Variants in AASDH observed in about 807,000 individuals in gnomAD.
AASDH encodes beta-alanine-activating enzyme.
A neutral mutation model predicts 102.3 loss-of-function variants in AASDH; 81 were observed. That is an observed-to-expected ratio of 0.79 (90% confidence interval 0.66 to 0.95). The LOEUF is 0.95. Ranked by LOEUF, AASDH falls within the 40% of genes least tolerant of loss-of-function variation. AASDH has a pLI of 0.00. For missense variants in AASDH, 1,203 were observed against 1,266.2 expected, an observed-to-expected ratio of 0.95 and a Z score of 0.76; for synonymous variants, 398 against 454.0, an observed-to-expected ratio of 0.88 and a Z score of 1.57.
intron 5 of AASDH, among the ~76,000 whole-genome samples, chr4:56,355,740 T>C (rs1184085578): frequency 1.3e-5 from 2 of 151,694 alleles, no homozygotes; most frequent in Non-Finnish European, 2.9e-5. Flanking sequence ...CACCTCAGCC[T>C]CCTGAACAGC....
chr4:56,339,084 T>G (rs928368638), intron 14 of AASDH, among the ~76,000 whole-genome samples: 1 of 152,206 alleles, frequency 6.6e-6, no homozygotes, highest in Non-Finnish European at 1.5e-5. Flanking sequence ...TTAGTATTAT[T>G]CAGAGACACT....
chr4:56,348,752 A>G (rs1488658549), intron 11 of AASDH, among the ~76,000 whole-genome samples: 2 of 152,218 alleles, frequency 1.3e-5, no homozygotes, highest in African/African-American at 4.8e-5. Flanking sequence ...GCTTCCTGCC[A>G]GAATCAGCAA....
At chr4:56,356,066 C>A in intron 5 of AASDH, 1 of 545,598 alleles carries the variant, frequency 1.8e-6, no homozygotes, top group Non-Finnish European at 3.2e-6. Context: ...TCCTTTCTTA[C>A]TCTGTATAAA....
At chr4:56,338,822 C>G (rs1438447603) in intron 14 of AASDH, 31 bp from the exon 15 acceptor site, 2 of 1,581,954 alleles carry the variant, frequency 1.3e-6, no homozygotes, top group Non-Finnish European at 1.7e-6. Flanking sequence ...AAATATAATT[C>G]ATTCATCTAA....
At chr4:56,339,972 C>G (rs1268927147) in intron 14 of AASDH, among the ~76,000 whole-genome samples, 1 of 151,950 alleles carries the variant, frequency 6.6e-6, no homozygotes, top group African/African-American at 2.4e-5. Context: ...AGTTCGAGAC[C>G]AGCCTGGCCA....
At chr4:56,342,812 T>C (rs745845167) in intron 14 of AASDH, 23 bp downstream of exon 14, 1 of 1,163,256 alleles carries the variant, frequency 8.6e-7, no homozygotes, top group South Asian at 3.1e-5. Flanking sequence ...AATGTATATA[T>C]AAAAAATTTC....
At chr4:56,370,012 C>T (rs1021170522) in intron 5 of AASDH, among the ~76,000 whole-genome samples, 3 of 151,224 alleles carry the variant, frequency 2.0e-5, no homozygotes, top group African/African-American at 4.9e-5. Flanking sequence ...CACAGGTATA[C>T]GAATATAACA....
intron 4 of AASDH, among the ~76,000 whole-genome samples, chr4:56,376,359 C>G (rs1302663582): frequency 1.3e-5 from 2 of 152,152 alleles, no homozygotes; most frequent in Non-Finnish European, 2.9e-5. Flanking sequence ...ACACCTGTGT[C>G]CATCCCAGAA....
chr4:56,373,229 T>G (rs972564033), intron 4 of AASDH, among the ~76,000 whole-genome samples: 14 of 152,252 alleles, frequency 9.2e-5, no homozygotes, highest in African/African-American at 3.4e-4. Context: ...AACCTCTGCC[T>G]CCCAAGTTCG....
chr4:56,343,540 A>G (rs1747956497), intron 13 of AASDH, 22 bp downstream of exon 13: 2 of 1,543,812 alleles, frequency 1.3e-6, no homozygotes, highest in African/African-American at 1.4e-5. Context: ...AATAAAATCA[A>G]TATGTATTAT....
At chr4:56,372,499 GTTAGGCTC>G (rs1172837736) in intron 4 of AASDH, among the ~76,000 whole-genome samples, 5 of 152,232 alleles carry the variant, frequency 3.3e-5, no homozygotes, top group East Asian at 1.9e-4. Flanking sequence ...AATATATGTG[GTTAGGCTC>G]TTATACAGCA....
In AASDH at chr4:56,387,405, C is replaced by A. The variant is rs569114863; in HGVS notation, c.-86G>T. On this transcript the variant is annotated 5_prime_UTR_variant, in exon 1 of 15. Transcript: ENST00000205214. Reference sequence around the variant, plus strand: ...TAGGTTTGATCGCATTCGGCCCTTTCCCGGATAGCTCGTCGCGGATACTTC... The same window carrying A: ...TAGGTTTGATCGCATTCGGCCCTTTACCGGATAGCTCGTCGCGGATACTTC... The A allele has an allele frequency of 6.6e-6, 1 of 152,316 alleles. No homozygotes were observed. 9.4% of individuals were successfully genotyped at this position (152,316 alleles called of 1,614,324 possible).
intron 7 of AASDH, 79 bp from the exon 8 acceptor site, chr4:56,354,290 GT>G: frequency 7.8e-7 from 1 of 1,284,760 alleles, no homozygotes; most frequent in Non-Finnish European, 1.0e-6. Flanking sequence ...ATCTCCAAAA[GT>G]TCAGTGACTA....
At chr4:56,383,343 C>T (rs1367103295) in intron 2 of AASDH, among the ~76,000 whole-genome samples, 1 of 152,104 alleles carries the variant, frequency 6.6e-6, no homozygotes, top group Non-Finnish European at 1.5e-5. Flanking sequence ...TCTCGAACTC[C>T]TGGCCTTAAA....
intron 5 of AASDH, 43 bp from the exon 6 acceptor site, chr4:56,355,466 C>T: frequency 6.4e-7 from 1 of 1,558,464 alleles, no homozygotes; most frequent in Non-Finnish European, 8.7e-7. Flanking sequence ...TCCTTCACTT[C>T]TTTAAAAAGG....
Position 56,353,548 on chromosome 4 carries a change from T to C in AASDH, c.1432A>G (p.Asn478Asp), listed in dbSNP as rs1395507452. 8.1e-6 allele frequency: 13 copies of C among 1,613,470 alleles called. No homozygotes were observed. The highest frequency in any genetic ancestry group is 1.7e-4 in the Middle Eastern group (1 of 6,058). ...ATGAAGAGAATTAATTTTTCCTGAT[T>C]ATACCATGTAACTGCACAAGACTCC... ...QVESCAVTWY[N>D]QEKLILFMVS... The change falls in exon 9 of 15, where the codon AAT becomes GAT. Residue 478 changes from asparagine (N) to aspartate (D), a missense_variant. By Grantham distance (23) the Asn-to-Asp change is conservative (BLOSUM62 1). Transcript: ENST00000205214.
chr4:56,360,421 T>C (rs1750157776), intron 5 of AASDH, among the ~76,000 whole-genome samples: 1 of 152,218 alleles, frequency 6.6e-6, no homozygotes, highest in Non-Finnish European at 1.5e-5. Context: ...TTACTGACTA[T>C]TACAAATTAA....
intron 14 of AASDH, among the ~76,000 whole-genome samples, chr4:56,341,174 C>G (rs1747630140): frequency 6.6e-6 from 1 of 152,084 alleles, no homozygotes; most frequent in Admixed American, 6.6e-5. Context: ...GACAAAAAAT[C>G]AGTATATCAA....
At chr4:56,340,878 AAAG>A (rs1461489190) in intron 14 of AASDH, among the ~76,000 whole-genome samples, 1 of 152,228 alleles carries the variant, frequency 6.6e-6, no homozygotes, top group Non-Finnish European at 1.5e-5. Context: ...ACATATCTCA[AAAG>A]AAGACATACA....
Sources: allele counts gnomAD v4.1 joint callset (sites outside exome capture counted in the v4.1 genomes callset), GRCh38; gene constraint gnomAD v4.1.1; transcripts MANE v1.5; gene names NCBI Gene and HGNC (gene_info 2026-07-23, HGNC 2026-07-21).